The following SPATA6L variants were observed in gnomAD, a reference collection of about 807,000 sequenced individuals.
The protein encoded by SPATA6L is spermatogenesis associated 6 like, also known as spermatogenesis associated 6-like protein.
In SPATA6L, 68 loss-of-function variants were observed where a neutral mutation model predicts 49.2. The ratio of observed to expected loss-of-function variants is 1.38; its 90% CI spans 1.14 to 1.69. The LOEUF (loss-of-function observed/expected upper bound fraction) is 1.69. SPATA6L is among the 40% of genes most tolerant of loss of function. The pLI, the probability that SPATA6L is intolerant of heterozygous loss-of-function variation, is 0.00. For missense variants in SPATA6L, 668 were observed against 464.3 expected (o/e 1.44, Z -4.03); for synonymous variants, 198 against 165.7 (o/e 1.19, Z -1.50).
chr9:4,661,279 T>A (rs1757931470), intron 2 of SPATA6L, among the ~76,000 whole-genome samples: 1 of 152,194 alleles, frequency 6.6e-6, no homozygotes. Flanking sequence ...AACAAAAATG[T>A]TAAGAGATTG....
intron 9 of SPATA6L, among the ~76,000 whole-genome samples, chr9:4,606,748 C>T (rs1825300757): frequency 6.8e-6 from 1 of 146,912 alleles, no homozygotes; most frequent in South Asian, 2.2e-4. Context: ...TCTCCTCCTC[C>T]AAAGGAATGC....
intron 9 of SPATA6L, among the ~76,000 whole-genome samples, chr9:4,606,780 C>G (rs983117420): frequency 1.7e-4 from 25 of 148,164 alleles, no homozygotes; most frequent in African/African-American, 5.6e-4. Context: ...AGCAATGGAA[C>G]AAAGCTGGAC....
At chr9:4,655,313 T>C (rs1837873617) in intron 3 of SPATA6L, among the ~76,000 whole-genome samples, 2 of 152,198 alleles carry the variant, frequency 1.3e-5, no homozygotes, top group Non-Finnish European at 2.9e-5. Flanking sequence ...TATAATCTCA[T>C]TCATATGAAA....
At position 4,666,364 on chromosome 9, in the gene SPATA6L, C is replaced by G; in HGVS notation, c.-114G>C. 9.0e-7 allele frequency: 1 copy of G among 1,115,100 alleles called. No individual in the cohort carries two copies. Among genetic ancestry groups the G allele is most frequent in the Non-Finnish European group, 1.3e-6 (1 of 743,096 alleles). The allele number at this position is 1,115,100 out of a possible 1,614,324, so 69.1% of individuals were successfully genotyped here. ...AGAGCAAATGTTCCCAGAAGCTTCC[C>G]CAGTCCCACGCCCTTGTTCCCCTAC... is the stretch of plus-strand genomic sequence containing the variant. On this transcript the variant is annotated 5_prime_UTR_variant, in exon 1 of 12. Transcript: ENST00000682582.
intron 9 of SPATA6L, among the ~76,000 whole-genome samples, chr9:4,611,722 G>A (rs4278199): frequency 0.61 from 92,128 of 150,272 alleles, 31,233 homozygotes; most frequent in Non-Finnish European, 0.77. Context: ...TGGGTGCAGC[G>A]CACCAGCGTG....
At position 4,644,297 on chromosome 9, in the gene SPATA6L, T is replaced by C. The variant is rs930725595; in HGVS notation, c.227-8898A>G. On this transcript the variant is annotated intron_variant, in intron 3 of 11. Transcript: ENST00000682582. ...AGGAGAACTGCTCAAGCCCAGGAGG[T>C]CATACCACTGCATTCAGTCTGAGTG... 8.2e-5 allele frequency among the ~76,000 whole-genome samples: 12 copies of C among 146,406 alleles called. No homozygotes were observed. The East Asian group carries it at 1.6e-3, about 20-fold the overall frequency.
intron 7 of SPATA6L, among the ~76,000 whole-genome samples, chr9:4,622,110 G>A (rs1014621672): frequency 1.3e-5 from 2 of 152,334 alleles, no homozygotes; most frequent in East Asian, 3.9e-4. Flanking sequence ...GGGGTTCACA[G>A]CAGGACAAGT....
intron 9 of SPATA6L, among the ~76,000 whole-genome samples, chr9:4,609,575 G>T (rs1424461614): frequency 6.6e-6 from 1 of 151,792 alleles, no homozygotes; most frequent in Non-Finnish European, 1.5e-5. Context: ...TGCAGAAAAG[G>T]CCTTTGACAA....
rs190260203 is a variant in SPATA6L, at chr9:4,666,318, T to C, written c.-68A>G. 51 of 1,574,596 alleles carry C rather than the reference T, an allele frequency of 3.2e-5. No individual in the cohort carries two copies. The East Asian group carries it at 1.1e-3, about 33-fold the overall frequency. ...TTGTGCCGAGCCTTGGACCAATTTT[T>C]CTTAGTTTAGCTGAATACCTAGAGC... On this transcript the variant is annotated 5_prime_UTR_variant, in exon 1 of 12. Coordinates refer to ENST00000682582, the MANE Select transcript of SPATA6L (RefSeq NM_001353486.2).
At chr9:4,629,821 T>A (rs774493196) in intron 4 of SPATA6L, among the ~76,000 whole-genome samples, 40 of 144,872 alleles carry the variant, frequency 2.8e-4, no homozygotes, top group Non-Finnish European at 3.3e-4. Flanking sequence ...TTAATTCTTA[T>A]AATCCTATAG....
chr9:4,647,840 T>G (rs1027401421), intron 3 of SPATA6L, among the ~76,000 whole-genome samples: 3 of 141,912 alleles, frequency 2.1e-5, no homozygotes, highest in Non-Finnish European at 4.5e-5. Flanking sequence ...TTTTAGTTTT[T>G]TTTTTTTTTT....
At chr9:4,646,874 C>T (rs970086663) in intron 3 of SPATA6L, among the ~76,000 whole-genome samples, 1 of 152,002 alleles carries the variant, frequency 6.6e-6, no homozygotes, top group Non-Finnish European at 1.5e-5. Context: ...ATGATGAGAA[C>T]TCATGGACAC....
At chr9:4,646,311 T>G (rs1587393074) in intron 3 of SPATA6L, 2 of 402,344 alleles carry the variant, frequency 5.0e-6, no homozygotes, top group Admixed American at 4.4e-5. Context: ...ATTCTGAAAA[T>G]AGACAAAATT....
chr9:4,646,743 T>C (rs1431725765), intron 3 of SPATA6L, among the ~76,000 whole-genome samples: 1 of 152,128 alleles, frequency 6.6e-6, no homozygotes, highest in East Asian at 1.9e-4. Context: ...AAAATAGCAT[T>C]TCACTAGCCA....
rs914604549 is a variant in SPATA6L, at chr9:4,643,158, A to C, written c.227-7759T>G. 2.6e-5 allele frequency among the ~76,000 whole-genome samples: 4 copies of C among 152,228 alleles called. No homozygotes were observed. In the South Asian group the frequency reaches 8.3e-4, roughly 32 times the overall value. On this transcript the variant is annotated intron_variant, in intron 3 of 11. Transcript: ENST00000682582. ...AAGTAGCTCGGATTACAGGCACCTG[A>C]CATCATTCCCAGCTAATTTTTGTAT...
At chr9:4,635,912 T>G (rs4742030) in intron 3 of SPATA6L, among the ~76,000 whole-genome samples, 22,188 of 152,122 alleles carry the variant, frequency 0.15, 2,635 homozygotes, top group East Asian at 0.33. Context: ...TCAGGGGCAG[T>G]AGCCAGAGGT....
In SPATA6L at chr9:4,662,446, C is replaced by G; in HGVS notation, c.40-410G>C. 1 of 1,545,448 alleles carries G rather than the reference C, an allele frequency of 6.5e-7. No homozygotes were observed. The highest frequency in any genetic ancestry group is 8.7e-7 in the Non-Finnish European group (1 of 1,154,364). On this transcript the variant is annotated intron_variant, in intron 1 of 11. Coordinates refer to ENST00000682582, the MANE Select transcript of SPATA6L (RefSeq NM_001353486.2). This position sits in a 1 kb window ranked among gnomAD's most constrained non-coding sequence, Gnocchi z 4.9. ...TCCGCTTCGAGCAGCAGCAGCAGCCCCGGCAGCCCAGCCCATGGCGGCGGT... is the reference window on the plus strand; with the variant it reads ...TCCGCTTCGAGCAGCAGCAGCAGCCGCGGCAGCCCAGCCCATGGCGGCGGT...
intron 3 of SPATA6L, among the ~76,000 whole-genome samples, chr9:4,638,891 T>C (rs578238431): frequency 2.0e-5 from 3 of 151,450 alleles, no homozygotes; most frequent in African/African-American, 7.3e-5. Context: ...TTCAAGCGAT[T>C]CTCCTGCCTC....
In SPATA6L at chr9:4,609,327, G is replaced by C. The variant is rs951952956; in HGVS notation, c.996-3887C>G. ...CAGCATCATTCTGATACCAAAGCCT[G>C]GCAGAGACACAACCAAAAAAGAGAA... On this transcript the variant is annotated intron_variant, in intron 9 of 11. Transcript: ENST00000682582. Among the ~76,000 whole-genome samples, 4 of 152,004 alleles carry C rather than the reference G, an allele frequency of 2.6e-5. No homozygotes were observed. The East Asian group carries it at 7.7e-4, about 29-fold the overall frequency.
Sources: allele counts gnomAD v4.1 joint callset (sites outside exome capture counted in the v4.1 genomes callset), GRCh38; gene constraint gnomAD v4.1.1; non-coding constraint Gnocchi (gnomAD v3.1); transcripts MANE v1.5; gene names NCBI Gene and HGNC (gene_info 2026-07-23, HGNC 2026-07-21).